Variants in SPECC1 observed in about 807,000 individuals in gnomAD.
SPECC1 encodes the protein sperm antigen with calponin homology and coiled-coil domains 1, also known as cytospin-B.
In SPECC1, 62 loss-of-function variants were observed where a neutral mutation model predicts 104.1. The ratio of observed to expected loss-of-function variants is 0.60; its 90% CI spans 0.49 to 0.74. The LOEUF (loss-of-function observed/expected upper bound fraction) is 0.74. SPECC1 is among the 30% of genes least tolerant of loss of function. The pLI is 0.00. For synonymous variants in SPECC1, 513 were observed against 501.6 expected (o/e 1.02, Z -0.30); for missense variants, 1,306 against 1,310.5 (o/e 1.00, Z 0.05).
rs1002244137 is a variant in SPECC1, at chr17:20,241,550, G to A, written c.2352-4376G>A. Among the ~76,000 whole-genome samples the A allele has an allele frequency of 5.3e-5, 8 of 152,188 alleles. No individual in the cohort carries two copies. In the South Asian group the frequency reaches 6.2e-4, roughly 12 times the overall value. On this transcript the variant is annotated intron_variant, in intron 7 of 14. Transcript: ENST00000395527. Reference sequence around the variant, plus strand: ...CTTGGTATTGTATTTTCATTCCCCCGACCGTGTACTCTCTATTAGCAGAAA... The same window carrying A: ...CTTGGTATTGTATTTTCATTCCCCCAACCGTGTACTCTCTATTAGCAGAAA...
chr17:20,057,199 T>C (rs1000416315), intron 1 of SPECC1, among the ~76,000 whole-genome samples: 8 of 152,110 alleles, frequency 5.3e-5, no homozygotes, highest in African/African-American at 1.7e-4. Context: ...CCCAGCACTT[T>C]GGGAGGCCGA....
intron 1 of SPECC1, among the ~76,000 whole-genome samples, chr17:20,037,851 A>T (rs1467265801): frequency 1.3e-5 from 2 of 152,166 alleles, no homozygotes; most frequent in Admixed American, 1.3e-4. Flanking sequence ...TTTGTTAAGG[A>T]AGGGTATAAT....
chr17:20,301,435 T>TA (rs1359295323), intron 13 of SPECC1, among the ~76,000 whole-genome samples: 3 of 151,690 alleles, frequency 2.0e-5, no homozygotes, highest in Middle Eastern at 3.2e-3. Flanking sequence ...AATTTACACT[T>TA]ACATCAGAAA....
chr17:20,318,292 C>G lies in SPECC1; in HGVS notation c.*4227C>G, dbSNP rs917313562. 8.2e-5 allele frequency: 19 copies of G among 232,454 alleles called. No homozygotes were observed. The highest frequency in any genetic ancestry group is 1.5e-4 in the Non-Finnish European group (18 of 117,562). 14.4% of individuals were successfully genotyped at this position (232,454 alleles called of 1,614,324 possible). On this transcript the variant is annotated 3_prime_UTR_variant, in exon 15 of 15. Transcript: ENST00000395527. ...TCCTTGTCTGATGGTAACCCATGGC[C>G]CCCGCCCTGCGGGGATAACATTCTC...
intron 1 of SPECC1, among the ~76,000 whole-genome samples, chr17:20,080,963 C>A (rs990590360): frequency 5.3e-5 from 8 of 152,096 alleles, no homozygotes; most frequent in African/African-American, 1.9e-4. Flanking sequence ...ACCCCTGCCC[C>A]AAACTTGCAT....
chr17:20,245,191 G>A (rs1256761757), intron 7 of SPECC1, among the ~76,000 whole-genome samples: 2 of 152,182 alleles, frequency 1.3e-5, no homozygotes, highest in Non-Finnish European at 2.9e-5. Context: ...AGAATTGTTG[G>A]GAAGGCTGAG....
At position 20,227,630 on chromosome 17, in the gene SPECC1, G is replaced by A. The variant is rs2038306360; in HGVS notation, c.2071+10G>A. ...ATCAGTGAGCTAGAAAGTAAGTGGG[G>A]TCTGCCAGGCATGGTGGCTCACACC... On this transcript the variant is annotated intron_variant, in intron 5 of 14. Coordinates refer to ENST00000395527, the MANE Select transcript of SPECC1 (RefSeq NM_001243439.2). 1 of 1,610,362 alleles carries A rather than the reference G, an allele frequency of 6.2e-7. No individual in the cohort carries two copies. The highest frequency in any genetic ancestry group is 1.7e-5 in the Admixed American group (1 of 58,872).
At chr17:20,307,267 T>C (rs887632470) in intron 14 of SPECC1, among the ~76,000 whole-genome samples, 3 of 152,244 alleles carry the variant, frequency 2.0e-5, no homozygotes, top group African/African-American at 7.2e-5. Flanking sequence ...GTTAATTTTC[T>C]TAACAATAGT....
intron 3 of SPECC1, among the ~76,000 whole-genome samples, chr17:20,148,022 A>G (rs1182692497): frequency 2.0e-5 from 3 of 152,200 alleles, no homozygotes; most frequent in African/African-American, 7.2e-5. Flanking sequence ...AGCCTGGGCA[A>G]TAGAGCAAGA....
chr17:20,202,270 T>C (rs184041458), intron 3 of SPECC1, among the ~76,000 whole-genome samples: 2 of 152,322 alleles, frequency 1.3e-5, no homozygotes, highest in African/African-American at 4.8e-5. Flanking sequence ...GTGATGCTAA[T>C]CATCTCTGTG....
At position 20,096,632 on chromosome 17, in the gene SPECC1, A is replaced by G; in HGVS notation, c.-20A>G. On this transcript the variant is annotated splice_region_variant and 5_prime_UTR_variant, in exon 2 of 15. Transcript: ENST00000395527. ...TTTTTCTTTTCTGCTCTTTTGCAGG[A>G]CAGACCCACGAAGTCAAGCATGCGG... 6.2e-7 allele frequency: 1 copy of G among 1,605,102 alleles called. No homozygotes were observed. The highest frequency in any genetic ancestry group is 8.5e-7 in the Non-Finnish European group (1 of 1,174,350).
intron 2 of SPECC1, among the ~76,000 whole-genome samples, chr17:20,110,083 C>T (rs2048409191): frequency 6.6e-6 from 1 of 152,144 alleles, no homozygotes; most frequent in Admixed American, 6.5e-5. Context: ...GCAGTCCTCC[C>T]ACCTCAGCCT....
chr17:20,198,816 C>G (rs1355681303), intron 3 of SPECC1, among the ~76,000 whole-genome samples: 1 of 152,162 alleles, frequency 6.6e-6, no homozygotes, highest in Admixed American at 6.5e-5. Context: ...GTAATAGAGC[C>G]ACTGCTTTCT....
chr17:20,190,279 ACACTGTACT>A (rs1275777722), intron 3 of SPECC1, among the ~76,000 whole-genome samples: 7 of 152,140 alleles, frequency 4.6e-5, no homozygotes, highest in Non-Finnish European at 8.8e-5. Context: ...GCCTGTTTCC[ACACTGTACT>A]CATAAACATT....
intron 12 of SPECC1, among the ~76,000 whole-genome samples, chr17:20,263,955 A>G (rs922798500): frequency 9.2e-5 from 14 of 152,298 alleles, no homozygotes; most frequent in African/African-American, 3.4e-4. Context: ...ATGAAACCCA[A>G]AACTCATTTT....
intron 3 of SPECC1, among the ~76,000 whole-genome samples, chr17:20,153,305 GAAC>G (rs750293829): frequency 1.1e-4 from 17 of 152,202 alleles, no homozygotes; most frequent in Non-Finnish European, 2.4e-4. Flanking sequence ...GCTGAGGCTA[GAAC>G]AATAGGGGTG....
At chr17:20,086,656 G>A (rs2047188673) in intron 1 of SPECC1, among the ~76,000 whole-genome samples, 1 of 152,174 alleles carries the variant, frequency 6.6e-6, no homozygotes, top group Non-Finnish European at 1.5e-5. Context: ...AGTGGCTGAA[G>A]TATAGTGAGC....
At chr17:20,079,448 C>T (rs7219770) in intron 1 of SPECC1, among the ~76,000 whole-genome samples, 35,067 of 151,836 alleles carry the variant, frequency 0.23, 4,290 homozygotes, top group African/African-American at 0.32. Context: ...TACAGGTGTG[C>T]ACCACCGTGC....
At chr17:20,223,541 C>T (rs750865380) in intron 4 of SPECC1, among the ~76,000 whole-genome samples, 3 of 151,930 alleles carry the variant, frequency 2.0e-5, no homozygotes, top group Admixed American at 1.3e-4. Flanking sequence ...GGCGTGGTAG[C>T]GCCTGCCTGT....
Sources: allele counts gnomAD v4.1 joint callset (sites outside exome capture counted in the v4.1 genomes callset), GRCh38; gene constraint gnomAD v4.1.1; transcripts MANE v1.5; gene names NCBI Gene and HGNC (gene_info 2026-07-23, HGNC 2026-07-21).